COBL: variants seen among roughly 807,000 people sequenced by gnomAD.
COBL encodes the protein protein cordon-bleu.
In COBL, 51 loss-of-function variants were observed where a neutral mutation model predicts 98.8. The ratio of observed to expected loss-of-function variants is 0.52; its 90% CI spans 0.41 to 0.65. The LOEUF is 0.65. Ranked by LOEUF, COBL falls within the 30% of genes least tolerant of loss-of-function variation. COBL has a pLI of 0.00. For missense variants in COBL, 1,617 were observed against 1,617.5 expected, an observed-to-expected ratio of 1.00 and a Z score of 0.01; for synonymous variants, 634 against 651.7, an observed-to-expected ratio of 0.97 and a Z score of 0.41.
At chr7:51,209,404 C>T (rs1792186672) in intron 2 of COBL, among the ~76,000 whole-genome samples, 1 of 152,192 alleles carries the variant, frequency 6.6e-6, no homozygotes, top group Non-Finnish European at 1.5e-5. Context: ...GTGGGAGCAC[C>T]TGGTGCGGCC....
intron 2 of COBL, among the ~76,000 whole-genome samples, chr7:51,203,041 G>C (rs933354454): frequency 5.4e-5 from 8 of 147,544 alleles, no homozygotes; most frequent in Non-Finnish European, 1.2e-4. Context: ...ACTCTGTCTG[G>C]AAAAATAAGA....
chr7:51,147,789 C>T (rs1785175494), intron 5 of COBL, among the ~76,000 whole-genome samples: 1 of 149,972 alleles, frequency 6.7e-6, no homozygotes, highest in Non-Finnish European at 1.5e-5. Flanking sequence ...CTCACTCTGT[C>T]ATCCAGGCTG....
At chr7:51,064,812 A>C (rs1364973050) in intron 7 of COBL, 8 of 247,892 alleles carry the variant, frequency 3.2e-5, no homozygotes, top group Non-Finnish European at 6.1e-5. Context: ...TTATTCAAAC[A>C]ATTTTAAAAG....
chr7:51,046,250 G>A (rs983875505), intron 7 of COBL, among the ~76,000 whole-genome samples: 22 of 152,174 alleles, frequency 1.4e-4, no homozygotes, highest in Non-Finnish European at 2.9e-4. Flanking sequence ...CACCTGCTCG[G>A]AGTATAGGGT....
At chr7:51,095,901 A>G (rs1319147922) in intron 6 of COBL, among the ~76,000 whole-genome samples, 1 of 152,242 alleles carries the variant, frequency 6.6e-6, no homozygotes, top group Admixed American at 6.5e-5. Context: ...AAACATTGAC[A>G]TAATTGAAAG....
intron 6 of COBL, among the ~76,000 whole-genome samples, chr7:51,134,936 T>C (rs1583910698): frequency 6.6e-6 from 1 of 152,210 alleles, no homozygotes; most frequent in Non-Finnish European, 1.5e-5. Context: ...TCAGTTACAT[T>C]AGGATATATG....
chr7:51,159,645 A>G (rs1786580285), intron 5 of COBL, among the ~76,000 whole-genome samples: 1 of 152,224 alleles, frequency 6.6e-6, no homozygotes, highest in Non-Finnish European at 1.5e-5. Context: ...TTTCTACCTC[A>G]GTATCCTTAC....
At chr7:51,209,859 C>A (rs1000546337) in intron 2 of COBL, among the ~76,000 whole-genome samples, 1 of 152,084 alleles carries the variant, frequency 6.6e-6, no homozygotes, top group African/African-American at 2.4e-5. Context: ...TTGTCAAACA[C>A]AAAAATTACA....
chr7:51,037,622 A>G (rs1279864306), intron 8 of COBL, among the ~76,000 whole-genome samples: 1 of 152,130 alleles, frequency 6.6e-6, no homozygotes, highest in Non-Finnish European at 1.5e-5. Flanking sequence ...CAACCACCAC[A>G]TGCACATTTC....
At chr7:51,123,508 A>C (rs1231398890) in intron 6 of COBL, among the ~76,000 whole-genome samples, 1 of 152,150 alleles carries the variant, frequency 6.6e-6, no homozygotes, top group Non-Finnish European at 1.5e-5. Flanking sequence ...AGGATGTTTC[A>C]ACTGCAGTAG....
chr7:51,290,307 T>A (rs181616335), intron 1 of COBL, among the ~76,000 whole-genome samples: 1 of 152,328 alleles, frequency 6.6e-6, no homozygotes, highest in African/African-American at 2.4e-5. Flanking sequence ...TATTTTGAAA[T>A]CTGACTGCTA....
intron 12 of COBL, among the ~76,000 whole-genome samples, chr7:51,020,651 C>T (rs144294184): frequency 6.6e-6 from 1 of 152,174 alleles, no homozygotes; most frequent in East Asian, 1.9e-4. Context: ...GAAGCAAGCA[C>T]TGAGTGTGGG....
At position 51,027,709 on chromosome 7, in the gene COBL, C is replaced by A; in HGVS notation, c.3384+3G>T. 6.2e-7 allele frequency: 1 copy of A among 1,607,760 alleles called. No individual in the cohort carries two copies. Among genetic ancestry groups the A allele is most frequent in the Non-Finnish European group, 8.5e-7 (1 of 1,176,130 alleles). On this transcript the variant is annotated splice_donor_region_variant and intron_variant, in intron 10 of 12. Coordinates refer to ENST00000265136, the MANE Select transcript of COBL (RefSeq NM_015198.5). ...GGCCTGCCCCGGAAGCCGCCATCCT[C>A]ACCTTGCGTAGTCTGTCCTTCCCTC...
At chr7:51,200,245 A>G (rs539009043) in intron 2 of COBL, among the ~76,000 whole-genome samples, 4 of 152,282 alleles carry the variant, frequency 2.6e-5, no homozygotes, top group African/African-American at 7.2e-5. Flanking sequence ...TAGACCTGCT[A>G]AAGTTAGTTT....
intron 7 of COBL, among the ~76,000 whole-genome samples, chr7:51,059,879 T>C (rs1409064580): frequency 6.6e-6 from 1 of 152,154 alleles, no homozygotes; most frequent in East Asian, 1.9e-4. Flanking sequence ...ACGTGGCCTG[T>C]TTTTTGCTAA....
Position 51,107,084 on chromosome 7 carries a change from G to GTTTTTTTTTTTTTTTTT in COBL, c.958-21781_958-21780insAAAAAAAAAAAAAAAAA, listed in dbSNP as rs202161212. On this transcript the variant is annotated intron_variant, in intron 6 of 12. Transcript: ENST00000265136. ...ACTTAACACTTTTTTTGTGATCCTA[G>GTTTTTTTTTTTTTTTTT]TTTGTTTGTTTTTTTTTTTTTTTTT... Among the ~76,000 whole-genome samples the GTTTTTTTTTTTTTTTTT allele has an allele frequency of 3.7e-5, 4 of 109,312 alleles. 1 individual carries two copies. The highest frequency in any genetic ancestry group is 5.6e-5 in the Non-Finnish European group (3 of 53,292). The allele number at this position is 109,312 out of a possible 152,430, so 71.7% of individuals were successfully genotyped here. A position where few individuals can be genotyped will look rare whatever the true frequency, so the allele number is the denominator to read the frequency against.
At chr7:51,224,424 C>T (rs1474034036) in intron 1 of COBL, among the ~76,000 whole-genome samples, 1 of 152,106 alleles carries the variant, frequency 6.6e-6, no homozygotes, top group African/African-American at 2.4e-5. Flanking sequence ...GAGAAAAAAC[C>T]TGTGTGGACC....
intron 1 of COBL, among the ~76,000 whole-genome samples, chr7:51,266,926 G>A (rs767739658): frequency 7.2e-5 from 11 of 152,022 alleles, no homozygotes; most frequent in East Asian, 3.9e-4. Context: ...CTTACATTTC[G>A]ACATCAATGC....
At chr7:51,057,487 A>G (rs371870182) in intron 7 of COBL, among the ~76,000 whole-genome samples, 14 of 152,242 alleles carry the variant, frequency 9.2e-5, no homozygotes, top group African/African-American at 3.4e-4. Flanking sequence ...ATGAATAGTA[A>G]CAAGATTTTT....
Sources: allele counts gnomAD v4.1 joint callset (sites outside exome capture counted in the v4.1 genomes callset), GRCh38; gene constraint gnomAD v4.1.1; transcripts MANE v1.5; gene names NCBI Gene and HGNC (gene_info 2026-07-23, HGNC 2026-07-21).